FCGR1A: variants seen among roughly 807,000 people sequenced by gnomAD.
FCGR1A encodes high affinity immunoglobulin gamma Fc receptor I.
In FCGR1A, 13 loss-of-function variants were observed where a neutral mutation model predicts 35.0. That is an observed-to-expected ratio of 0.37 (90% confidence interval 0.24 to 0.59). The LOEUF (loss-of-function observed/expected upper bound fraction) is 0.59, where lower values mean the gene tolerates loss of function less well. Among genes scored for constraint, FCGR1A ranks in the 20% least tolerant of loss-of-function variants. The pLI is 0.71. For synonymous variants in FCGR1A, 91 were observed against 164.7 expected, an observed-to-expected ratio of 0.55 and a Z score of 3.43; for missense variants, 227 against 430.0, an observed-to-expected ratio of 0.53 and a Z score of 4.17.
chr1:149,795,852 C>T (rs1252197918), downstream of FCGR1A, among the ~76,000 whole-genome samples: 1 of 151,684 alleles, frequency 6.6e-6, no homozygotes, highest in Non-Finnish European at 1.5e-5. Context: ...CAACAATCCT[C>T]CTGTTTTTCC....
chr1:149,788,659 C>T, intron 4 of FCGR1A, 42 bp downstream of exon 4: 1 of 1,590,904 alleles, frequency 6.3e-7, no homozygotes, highest in Non-Finnish European at 8.6e-7. Flanking sequence ...GTCCCTCCCC[C>T]TGAGGGACCA....
In FCGR1A at chr1:149,788,421, C is replaced by T; in HGVS notation, c.363C>T (p.Ala121=). 1.9e-6 allele frequency: 3 copies of T among 1,613,732 alleles called. No individual in the cohort carries two copies. Among genetic ancestry groups the T allele is most frequent in the Middle Eastern group, 1.7e-4 (1 of 5,940 alleles). Residue 121 remains alanine, a synonymous_variant, in exon 4 of 6, where the codon GCC becomes GCT. Transcript: ENST00000369168. ...SRVFTEGEPL[A]LRCHAWKDKL... is the part of the protein sequence containing the mutation. ...TCTTCACGGAAGGAGAACCTCTGGC[C>T]TTGAGGTGTCATGCGTGGAAGGATA...
rs1553751912 is a variant in FCGR1A, at chr1:149,791,486, T to A, written c.1094T>A (p.Val365Glu). 1 of 1,608,992 alleles carries A rather than the reference T, an allele frequency of 6.2e-7. No individual in the cohort carries two copies. The highest frequency in any genetic ancestry group is 8.5e-7 in the Non-Finnish European group (1 of 1,179,156). The change falls in exon 6 of 6, where the codon GTG (valine) becomes GAG (glutamate). Residue 365 changes from valine to glutamate, a missense_variant. By Grantham distance (121) the Val-to-Glu change is moderately radical. Transcript: ENST00000369168. ...AAAGAAGAACAGCTGCAGGAAGGGG[T>A]GCACCGGAAGGAGCCCCAGGGGGCC... ...EQKEEQLQEG[V>E]HRKEPQGAT
Position 149,790,300 on chromosome 1 carries a change from T to C in FCGR1A, c.806T>C (p.Val269Ala). ...WCEAATEDGN[V>A]LKRSPELELQ... ...GAGGCTGCCACAGAGGATGGAAATGTCCTTAAGCGCAGCCCTGAGTTGGAG... is the reference window on the plus strand; with the variant it reads ...GAGGCTGCCACAGAGGATGGAAATGCCCTTAAGCGCAGCCCTGAGTTGGAG... The change falls in exon 5 of 6, where the codon GTC becomes GCC. Residue 269 changes from valine (V) to alanine (A), a missense_variant. Around this residue, in one of 3 missense-constraint regions of FCGR1A, gnomAD observed 185 missense variants for 306.6 expected, o/e 0.60. Coordinates refer to ENST00000369168, the MANE Select transcript of FCGR1A (RefSeq NM_000566.4). 4 of 1,587,544 alleles carry C rather than the reference T, an allele frequency of 2.5e-6. No individual in the cohort carries two copies. The South Asian group carries it at 4.6e-5, about 18-fold the overall frequency.
the FCGR1A span, among the ~76,000 whole-genome samples, chr1:149,797,381 ACAT>A: frequency 3.9e-5 from 6 of 152,142 alleles, no homozygotes; most frequent in African/African-American, 1.4e-4. Flanking sequence ...TCAAAAATAC[ACAT>A]CATTTTAATA....
At chr1:149,796,937 G>C in the FCGR1A span, among the ~76,000 whole-genome samples, 1 of 152,294 alleles carries the variant, frequency 6.6e-6, no homozygotes, top group Non-Finnish European at 1.5e-5. Context: ...TTTTGAGACA[G>C]AGTTTCGTTG....
intron 3 of FCGR1A, among the ~76,000 whole-genome samples, chr1:149,785,408 GTTTTTTT>G (rs10670379): frequency 1.5e-5 from 1 of 67,636 alleles, no homozygotes. Context: ...GAGCTGTTTC[GTTTTTTT>G]TTTTTTTTTT....
downstream of FCGR1A, among the ~76,000 whole-genome samples, chr1:149,795,303 T>TGA (rs2091788665): frequency 1.4e-5 from 2 of 146,636 alleles, no homozygotes; most frequent in East Asian, 2.0e-4. Context: ...AATAAATGAT[T>TGA]ATTACCAGTC....
chr1:149,789,680 T>G (rs1378710480), intron 4 of FCGR1A, among the ~76,000 whole-genome samples: 5 of 152,188 alleles, frequency 3.3e-5, no homozygotes, highest in Non-Finnish European at 5.9e-5. Context: ...CATTAGATTC[T>G]CACAGAAACA....
At chr1:149,799,720 A>G in the FCGR1A span, among the ~76,000 whole-genome samples, 1 of 151,946 alleles carries the variant, frequency 6.6e-6, no homozygotes, top group Non-Finnish European at 1.5e-5. Context: ...TCTATTTTTC[A>G]TATCATTTAA....
intron 5 of FCGR1A, 78 bp downstream of exon 5, chr1:149,790,416 G>A (rs2091676350): frequency 6.5e-7 from 1 of 1,547,676 alleles, no homozygotes; most frequent in African/African-American, 1.4e-5. Context: ...GTTTGTTCAA[G>A]GGTTTTTGGC....
At chr1:149,791,692 G>T, downstream of FCGR1A, 2 of 1,059,268 alleles carry the variant, frequency 1.9e-6, no homozygotes, top group East Asian at 2.7e-5. Context: ...TGGAAATGTG[G>T]TCATCAAAGA....
rs587671465 is a variant in FCGR1A at position 149,791,572 on chromosome 1, C to T, written c.*55C>T. The T allele has an allele frequency of 4.7e-5, 76 of 1,604,876 alleles. No individual in the cohort carries two copies. In the South Asian group the frequency reaches 5.4e-4, roughly 11 times the overall value. The stretch of plus-strand genomic sequence containing the variant: ...GACCGTCCCCTGCCCACTTGCTCCC[C>T]GTGAGCACTGCGTACAAACATCCAA... On this transcript the variant is annotated 3_prime_UTR_variant, in exon 6 of 6. Coordinates refer to ENST00000369168, the MANE Select transcript of FCGR1A (RefSeq NM_000566.4).
Position 149,788,382 on chromosome 1 carries a change from G to A in FCGR1A, c.324G>A (p.Gln108=). 1 of 1,613,040 alleles carries A rather than the reference G, an allele frequency of 6.2e-7. No homozygotes were observed. Among genetic ancestry groups the A allele is most frequent in the Non-Finnish European group, 8.5e-7 (1 of 1,179,862 alleles). The change falls in exon 4 of 6, where the codon CAG becomes CAA. Residue 108 remains glutamine, a synonymous_variant. Transcript: ENST00000369168. The part of the protein sequence containing the change: ...LEIHRGWLLL[Q]VSSRVFTEGE... ...ATTTTTCAGGCTGGCTACTACTGCA[G>A]GTCTCCAGCAGAGTCTTCACGGAAG... is the stretch of plus-strand genomic sequence containing the variant.
chr1:149,793,329 C>A, downstream of FCGR1A: 1 of 1,147,820 alleles, frequency 8.7e-7, no homozygotes, highest in East Asian at 9.5e-5. Context: ...GGTTCCCTCA[C>A]CGTCAAAAGC....
rs782053713 is a variant in FCGR1A at position 149,790,042 on chromosome 1, C to G, written c.560-12C>G. 3 of 1,613,010 alleles carry G rather than the reference C, an allele frequency of 1.9e-6. No individual in the cohort carries two copies. The East Asian group carries it at 6.7e-5, about 36-fold the overall frequency. On this transcript the variant is annotated splice_polypyrimidine_tract_variant and intron_variant, in intron 4 of 5. Transcript: ENST00000369168. ...AACAGGCAACCTTGTCCCCCATCAA[C>G]TTTCTCCTTAGAGCTATTTCCAGCT... is the stretch of plus-strand genomic sequence containing the variant.
chr1:149,790,008 T>C (rs377589277), intron 4 of FCGR1A, 46 bp from the exon 5 acceptor site: 143 of 1,612,704 alleles, frequency 8.9e-5, no homozygotes, highest in Non-Finnish European at 1.2e-4. Flanking sequence ...GAAAAGGACC[T>C]GGATGCTAAA....
At chr1:149,799,485 C>T in the FCGR1A span, among the ~76,000 whole-genome samples, 117 of 151,678 alleles carry the variant, frequency 7.7e-4, 3 homozygotes, top group East Asian at 0.021. Flanking sequence ...GAAATATCCT[C>T]CTTTTATTCC....
At chr1:149,793,038 C>A, downstream of FCGR1A, 3 of 1,262,860 alleles carry the variant, frequency 2.4e-6, no homozygotes, top group Non-Finnish European at 3.1e-6. Context: ...CCGCCAGCTC[C>A]CGGGCCCCGG....
Sources: allele counts gnomAD v4.1 joint callset (sites outside exome capture counted in the v4.1 genomes callset), GRCh38; gene constraint gnomAD v4.1.1; regional missense constraint gnomAD v4.1.1; transcripts MANE v1.5; gene names NCBI Gene and HGNC (gene_info 2026-07-23, HGNC 2026-07-21).